DTNA: variants seen among roughly 807,000 people sequenced by gnomAD.
The protein encoded by DTNA is dystrophin-related protein 3.
A neutral mutation model predicts 100.7 loss-of-function variants in DTNA; 43 were observed. The observed-to-expected ratio is 0.43, with a 90% confidence interval of 0.33 to 0.55. DTNA has a LOEUF of 0.55. DTNA is among the 20% of genes least tolerant of loss of function. The pLI, the probability that DTNA is intolerant of heterozygous loss-of-function variation, is 0.04. For missense variants in DTNA, 798 were observed against 953.9 expected, an observed-to-expected ratio of 0.84 and a Z score of 2.15; for synonymous variants, 349 against 347.9, an observed-to-expected ratio of 1.00 and a Z score of -0.04.
In DTNA at chr18:34,622,589, G is replaced by A. The variant is rs28595269; in HGVS notation, c.-2+129075G>A. ...GGTGGGGAAGATCTGCCCTCAATGC[G>A]GGCAGGTTCCGTGCAATCTGCTGGC... is the stretch of plus-strand genomic sequence containing the variant. On this transcript the variant is annotated intron_variant, in intron 1 of 19. Coordinates refer to the DTNA transcript ENST00000283365. Among the ~76,000 whole-genome samples, 1,362 of 152,232 alleles carry A rather than the reference G, an allele frequency of 8.9e-3. 14 individuals carry two copies. The highest frequency in any genetic ancestry group is 0.031 in the African/African-American group (1,282 of 41,530).
chr18:34,545,455 T>C (rs2044677968), intron 1 of DTNA, among the ~76,000 whole-genome samples: 1 of 152,160 alleles, frequency 6.6e-6, no homozygotes. Context: ...TTTTCTAATG[T>C]GTGATTAACT....
intron 1 of DTNA, among the ~76,000 whole-genome samples, chr18:34,726,544 G>A (rs1416693540): frequency 1.3e-5 from 2 of 152,334 alleles, no homozygotes; most frequent in East Asian, 3.9e-4. Flanking sequence ...AAATCAGCCT[G>A]AGGAAAGGAG....
chr18:34,667,233 T>C (rs1275573548), intron 1 of DTNA, among the ~76,000 whole-genome samples: 1 of 152,228 alleles, frequency 6.6e-6, no homozygotes, highest in African/African-American at 2.4e-5. Flanking sequence ...TTGTCTGTTA[T>C]TGATGTATAA....
chr18:34,666,906 C>G (rs1262808170), intron 1 of DTNA, among the ~76,000 whole-genome samples: 1 of 152,128 alleles, frequency 6.6e-6, no homozygotes, highest in African/African-American at 2.4e-5. Flanking sequence ...GCGATGCGGG[C>G]TCTTTTTTGG....
chr18:34,658,812 T>C (rs1271025458), intron 1 of DTNA, among the ~76,000 whole-genome samples: 1 of 152,242 alleles, frequency 6.6e-6, no homozygotes, highest in African/African-American at 2.4e-5. Context: ...CATTTTGTTC[T>C]TTTATGAGAG....
chr18:34,758,647 G>A (rs1410510149), intron 2 of DTNA, among the ~76,000 whole-genome samples: 4 of 152,170 alleles, frequency 2.6e-5, no homozygotes, highest in African/African-American at 9.7e-5. Flanking sequence ...TCAAAGGGCT[G>A]GCACCCAGGT....
At chr18:34,594,812 T>A (rs2050257180) in intron 1 of DTNA, among the ~76,000 whole-genome samples, 1 of 152,166 alleles carries the variant, frequency 6.6e-6, no homozygotes, top group Non-Finnish European at 1.5e-5. Flanking sequence ...CAATTTTCCC[T>A]CCCTCTCAGT....
At chr18:34,599,798 C>T (rs1463020394) in intron 1 of DTNA, among the ~76,000 whole-genome samples, 1 of 152,190 alleles carries the variant, frequency 6.6e-6, no homozygotes, top group Non-Finnish European at 1.5e-5. Flanking sequence ...CTGCCGCAGC[C>T]TCCCAAGTAG....
chr18:34,715,272 T>A (rs925055691), intron 1 of DTNA, among the ~76,000 whole-genome samples: 3 of 152,262 alleles, frequency 2.0e-5, no homozygotes, highest in South Asian at 2.1e-4. Context: ...GGTCAGTATC[T>A]GACAGGAAAA....
chr18:34,729,546 G>A (rs1896185843), intron 1 of DTNA, among the ~76,000 whole-genome samples: 1 of 152,208 alleles, frequency 6.6e-6, no homozygotes, highest in Middle Eastern at 3.4e-3. Flanking sequence ...GTGTGACTGA[G>A]GTAAAATGTT....
chr18:34,844,240 A>G (rs558887841), intron 13 of DTNA, among the ~76,000 whole-genome samples: 1 of 152,238 alleles, frequency 6.6e-6, no homozygotes, highest in Non-Finnish European at 1.5e-5. Flanking sequence ...TAAGGAAGCC[A>G]TTATTGTGGT....
intron 5 of DTNA, among the ~76,000 whole-genome samples, chr18:34,810,248 A>G (rs866539550): frequency 1.9e-4 from 29 of 152,220 alleles, no homozygotes; most frequent in Middle Eastern, 3.4e-3. Flanking sequence ...TTTTGCCTCT[A>G]CGCCTACCCA....
At chr18:34,596,259 G>C (rs1384873945) in intron 1 of DTNA, among the ~76,000 whole-genome samples, 1 of 152,140 alleles carries the variant, frequency 6.6e-6, no homozygotes, top group African/African-American at 2.4e-5. Context: ...GCCCAGGCTA[G>C]AGTGCAGTGA....
intron 1 of DTNA, among the ~76,000 whole-genome samples, chr18:34,520,735 A>C (rs2042076350): frequency 6.6e-6 from 1 of 152,162 alleles, no homozygotes; most frequent in African/African-American, 2.4e-5. Context: ...TCTATTGTTT[A>C]TCTCAGGCCT....
upstream of DTNA, among the ~76,000 whole-genome samples, chr18:34,707,586 C>CT (rs2082275789): frequency 6.6e-6 from 1 of 152,014 alleles, no homozygotes; most frequent in Non-Finnish European, 1.5e-5. Context: ...ATGATAAGCT[C>CT]TTACATTTAC....
At chr18:34,825,342 G>A (rs756525162) in intron 9 of DTNA, 1 of 1,598,860 alleles carries the variant, frequency 6.3e-7, no homozygotes, top group Non-Finnish European at 8.6e-7. Flanking sequence ...GTGGGGATGA[G>A]ACACAAAACA....
chr18:34,863,961 C>A lies in DTNA; in HGVS notation c.1647-5C>A. 6.2e-7 allele frequency: 1 copy of A among 1,607,140 alleles called. No individual in the cohort carries two copies. ...CGCTTCTGATGTCAGCTGCTTCTTT[C>A]TTAGACAGCGCAAAGATGAGCTGGA... On this transcript the variant is annotated splice_polypyrimidine_tract_variant and splice_region_variant and intron_variant, in intron 16 of 22. Coordinates refer to ENST00000444659, the MANE Select transcript of DTNA (RefSeq NM_001386795.1).
At position 34,888,330 on chromosome 18, in the gene DTNA, G is replaced by A. The variant is rs955269402; in HGVS notation, c.*596G>A. The A allele has an allele frequency of 4.1e-6, 4 of 985,628 alleles. No homozygotes were observed. In the African/African-American group the frequency reaches 7.0e-5, roughly 17 times the overall value. The allele number at this position is 985,628 out of a possible 1,614,324, so 61.1% of individuals were successfully genotyped here. On this transcript the variant is annotated 3_prime_UTR_variant, in exon 23 of 23. Transcript: ENST00000444659. The stretch of plus-strand genomic sequence containing the variant: ...ATCATTCAATAACCCTGAAGAATTT[G>A]GTTCCTGAGTGTACAAACTCAGAGC...
chr18:34,620,678 GAAGA>G (rs1421407082), intron 1 of DTNA, among the ~76,000 whole-genome samples: 3 of 152,122 alleles, frequency 2.0e-5, no homozygotes, highest in Non-Finnish European at 4.4e-5. Flanking sequence ...TGAGAAGGAA[GAAGA>G]GAGAGAGCAG....
Sources: gnomAD v4.1 joint callset for allele counts (sites outside exome capture counted in the v4.1 genomes callset) on GRCh38, gnomAD v4.1.1 for gene constraint, MANE v1.5 for transcripts, NCBI Gene and HGNC (gene_info 2026-07-23, HGNC 2026-07-21) for gene names.